The following DGKZ variants were observed in gnomAD, a reference collection of about 807,000 sequenced individuals.
DGKZ encodes DAG kinase zeta.
In DGKZ, 45 loss-of-function variants were observed where a neutral mutation model predicts 142.5. The observed-to-expected ratio is 0.32, with a 90% confidence interval of 0.25 to 0.40. The LOEUF (loss-of-function observed/expected upper bound fraction) is 0.40, where lower values mean the gene tolerates loss of function less well. Among genes scored for constraint, DGKZ ranks in the 10% least tolerant of loss-of-function variants. The pLI, the probability that DGKZ is intolerant of heterozygous loss-of-function variation, is 1.00. For missense variants in DGKZ, 755 were observed against 1,306.5 expected, an observed-to-expected ratio of 0.58 and a Z score of 6.51; for synonymous variants, 442 against 527.0, an observed-to-expected ratio of 0.84 and a Z score of 2.21.
At chr11:46,339,421 C>G (rs1176048689) in intron 1 of DGKZ, among the ~76,000 whole-genome samples, 1 of 152,200 alleles carries the variant, frequency 6.6e-6, no homozygotes, top group Non-Finnish European at 1.5e-5. Context: ...AATTTTCTTT[C>G]CTTTGAAAAG....
At chr11:46,376,525 C>T in exon 24 of DGKZ, 2 of 1,613,820 alleles carry the variant, frequency 1.2e-6, no homozygotes, top group Non-Finnish European at 8.5e-7. Flanking sequence ...CTCCCACAGC[C>T]ACCACTGCCA....
At chr11:46,366,683 C>T (rs756519834) in intron 1 of DGKZ, 1 of 1,577,792 alleles carries the variant, frequency 6.3e-7, no homozygotes, top group South Asian at 1.2e-5. Context: ...GACACCAGGG[C>T]CACCCCCACC....
At chr11:46,373,170 T>G in intron 14 of DGKZ, 69 bp downstream of exon 14, 1 of 1,479,702 alleles carries the variant, frequency 6.8e-7, no homozygotes, top group Non-Finnish European at 9.0e-7. Context: ...TTCCACTTGC[T>G]GGTTCTGGGA....
intron 1 of DGKZ, among the ~76,000 whole-genome samples, chr11:46,338,272 G>C (rs189687993): frequency 4.6e-4 from 70 of 152,196 alleles, no homozygotes; most frequent in African/African-American, 1.5e-3. Context: ...TGAGGCAGGT[G>C]GATCACCTAG....
intron 6 of DGKZ, 70 bp downstream of exon 6, chr11:46,370,079 T>C: frequency 6.3e-7 from 1 of 1,591,684 alleles, no homozygotes; most frequent in Admixed American, 1.7e-5. Context: ...GTGGCCGGTG[T>C]GGCCTGCCGA....
chr11:46,361,340 T>C (rs1280446332), intron 1 of DGKZ, among the ~76,000 whole-genome samples: 2 of 152,184 alleles, frequency 1.3e-5, no homozygotes, highest in Admixed American at 6.5e-5. Flanking sequence ...TGGGCTGGGC[T>C]GTACTGGGTG....
At chr11:46,338,863 G>A (rs1212490978) in intron 1 of DGKZ, 3 of 152,242 alleles carry the variant, frequency 2.0e-5, no homozygotes, top group Non-Finnish European at 4.4e-5. Flanking sequence ...GAAGATACCA[G>A]ATGTCAACTT....
chr11:46,375,195 C>A, intron 19 of DGKZ, 150 bp downstream of exon 19: 1 of 844,808 alleles, frequency 1.2e-6, no homozygotes, highest in Admixed American at 2.8e-5. Flanking sequence ...GCACCTACCC[C>A]CTCTCCTCAC....
At position 46,335,804 on chromosome 11, in the gene DGKZ, C is replaced by T. The variant is rs183440409; in HGVS notation, c.212+2317C>T. ...GGAAAGAGCCAGCAGCTCTTCCAGG[C>T]CCAGGGGACCCCAGGGGAACAAACT... On this transcript the variant is annotated intron_variant, in intron 1 of 30. Transcript: ENST00000343674. 1.5e-3 allele frequency among the ~76,000 whole-genome samples: 232 copies of T among 152,344 alleles called. 1 individual carries two copies. Among genetic ancestry groups the T allele is most frequent in the African/African-American group, 5.4e-3 (225 of 41,568 alleles).
intron 1 of DGKZ, among the ~76,000 whole-genome samples, chr11:46,354,028 G>A (rs150932369): frequency 1.2e-4 from 18 of 152,238 alleles, no homozygotes; most frequent in Non-Finnish European, 2.4e-4. Flanking sequence ...CAACCCACAC[G>A]GACACCCCAC....
intron 14 of DGKZ, among the ~76,000 whole-genome samples, chr11:46,373,486 GT>G (rs560356746): frequency 0.011 from 1,372 of 129,462 alleles, 18 homozygotes; most frequent in African/African-American, 0.037. Flanking sequence ...TTTTTTTCTT[GT>G]TTTTTTTTTT....
rs777455291 is a variant in DGKZ, at chr11:46,372,647, G to A, written c.1041G>A (p.Leu347=). ...AGATGTACCGCAAAGTGCACAACCT[G>A]CGGATCCTGGCGTGCGGGGGCGACG... The change falls in exon 12 of 31, where the codon CTG becomes CTA. Residue 347 remains leucine, a synonymous_variant. Coordinates refer to ENST00000527911, the Ensembl canonical transcript of DGKZ. This position sits in a 1 kb window ranked among gnomAD's most constrained non-coding sequence, Gnocchi z 5.9. 7 of 1,613,450 alleles carry A rather than the reference G, an allele frequency of 4.3e-6. No individual in the cohort carries two copies. The highest frequency in any genetic ancestry group is 3.3e-5 in the Admixed American group (2 of 59,986).
intron 1 of DGKZ, chr11:46,366,740 G>T: frequency 6.4e-7 from 1 of 1,552,212 alleles, no homozygotes. Context: ...CCTGCGCCGA[G>T]CCTCCTCCCA....
intron 1 of DGKZ, among the ~76,000 whole-genome samples, chr11:46,336,320 A>G (rs891704891): frequency 6.6e-6 from 1 of 152,148 alleles, no homozygotes; most frequent in Non-Finnish European, 1.5e-5. Flanking sequence ...AGACACCTGG[A>G]AAGGCAGGGG....
In DGKZ at chr11:46,369,504, G is replaced by T. The variant is rs748179735; in HGVS notation, c.455G>T (p.Arg152Leu). The change falls in exon 5 of 31, where the codon CGC (arginine) becomes CTC (leucine). Residue 152 changes from arginine (R) to leucine (L), a missense_variant. Coordinates refer to ENST00000527911, the Ensembl canonical transcript of DGKZ. Reference sequence around the variant, plus strand: ...TGCCATGTTTCACAGATAAATTTCCGCTGTAAGCCGTCCTTCCGTGAATCA... The same window carrying T: ...TGCCATGTTTCACAGATAAATTTCCTCTGTAAGCCGTCCTTCCGTGAATCA... 3 of 1,613,896 alleles carry T rather than the reference G, an allele frequency of 1.9e-6. No homozygotes were observed. The highest frequency in any genetic ancestry group is 1.7e-6 in the Non-Finnish European group (2 of 1,180,020).
chr11:46,376,457 A>C, intron 23 of DGKZ, 60 bp downstream of exon 23: 4 of 1,613,794 alleles, frequency 2.5e-6, no homozygotes, highest in Non-Finnish European at 3.4e-6. Flanking sequence ...GATCCCAGGT[A>C]GGGGCAGCAG....
At chr11:46,359,410 A>C (rs1012455974) in intron 1 of DGKZ, among the ~76,000 whole-genome samples, 9 of 152,068 alleles carry the variant, frequency 5.9e-5, no homozygotes, top group African/African-American at 2.2e-4. Flanking sequence ...GCGCCATTGC[A>C]CTCCAGCCTG....
chr11:46,347,591 C>A lies in DGKZ; in HGVS notation c.-69C>A. On this transcript the variant is annotated 5_prime_UTR_variant, in exon 1 of 31. It adds an upstream start codon to the 5' untranslated region. Transcript: ENST00000527911. The surrounding 1 kb of genome is among the most constrained non-coding windows in gnomAD (Gnocchi z 6.4). Reference sequence around the variant, plus strand: ...TGGCGGGCGGCGCGGAGCGGGCGTGCTGAGCCCCGGCCGCCGGCCCGGCAT... The same window carrying A: ...TGGCGGGCGGCGCGGAGCGGGCGTGATGAGCCCCGGCCGCCGGCCCGGCAT... 8.7e-7 allele frequency: 1 copy of A among 1,152,872 alleles called. No homozygotes were observed. The highest frequency in any genetic ancestry group is 1.1e-6 in the Non-Finnish European group (1 of 937,452). 71.4% of individuals were successfully genotyped at this position (1,152,872 alleles called of 1,614,324 possible). A position where few individuals can be genotyped will look rare whatever the true frequency, so the allele number is the denominator to read the frequency against.
At chr11:46,373,285 G>GTTTTTTTTTT (rs961769830) in intron 14 of DGKZ, among the ~76,000 whole-genome samples, 184 bp downstream of exon 14, 18 of 115,372 alleles carry the variant, frequency 1.6e-4, no homozygotes, top group East Asian at 2.4e-4. Flanking sequence ...TTTTTTTTTT[G>GTTTTTTTTTT]TTTTTTTTTT....
Sources: gnomAD v4.1 joint callset for allele counts (sites outside exome capture counted in the v4.1 genomes callset) on GRCh38, gnomAD v4.1.1 for gene constraint, Gnocchi (gnomAD v3.1) non-coding constraint, MANE v1.5 for transcripts, NCBI Gene and HGNC (gene_info 2026-07-23, HGNC 2026-07-21) for gene names.